The following KSR2 variants were observed in gnomAD, a reference collection of about 807,000 sequenced individuals.
KSR2 encodes the protein kinase suppressor of ras 2.
A neutral mutation model predicts 107.8 loss-of-function variants in KSR2; 25 were observed. That is an observed-to-expected ratio of 0.23 (90% CI 0.17 to 0.32). The LOEUF (loss-of-function observed/expected upper bound fraction) is 0.32. Among genes scored for constraint, KSR2 ranks in the 10% least tolerant of loss-of-function variants. KSR2 has a pLI of 1.00. For missense variants in KSR2, 887 were observed against 1,268.9 expected, an observed-to-expected ratio of 0.70 and a Z score of 4.57; for synonymous variants, 480 against 507.0, an observed-to-expected ratio of 0.95 and a Z score of 0.71.
chr12:117,661,768 C>T (rs986485383), intron 5 of KSR2, among the ~76,000 whole-genome samples: 1 of 152,034 alleles, frequency 6.6e-6, no homozygotes, highest in Non-Finnish European at 1.5e-5. Context: ...TGATGGTGGT[C>T]TGGAACACAC....
At chr12:117,824,856 CAAA>C (rs146100153) in intron 3 of KSR2, among the ~76,000 whole-genome samples, 8 of 74,970 alleles carry the variant, frequency 1.1e-4, no homozygotes, top group Non-Finnish European at 8.5e-5. Context: ...GACTCTATCT[CAAA>C]AAAAAAAAAA....
chr12:117,611,733 G>C (rs1881613645), intron 5 of KSR2, among the ~76,000 whole-genome samples: 1 of 152,146 alleles, frequency 6.6e-6, no homozygotes, highest in Non-Finnish European at 1.5e-5. Context: ...TGGAGAAGTA[G>C]AGATAATTCT....
Position 117,905,877 on chromosome 12 carries a change from G to GA in KSR2, c.181-45447dup, listed in dbSNP as rs199987767. Among the ~76,000 whole-genome samples, 443 of 123,626 alleles carry GA rather than the reference G, an allele frequency of 3.6e-3. 1 individual carries two copies. The highest frequency in any genetic ancestry group is 9.1e-3 in the South Asian group (36 of 3,946). 81.1% of individuals were successfully genotyped at this position (123,626 alleles called of 152,430 possible). A position where few individuals can be genotyped will look rare whatever the true frequency, so the allele number is the denominator to read the frequency against. ...TTTTCTGCTTTGATTCCATGATCTGGAAAAAAAAAAAAAAGTAGGACGATA... is the reference window on the plus strand; with the variant it reads ...TTTTCTGCTTTGATTCCATGATCTGGAAAAAAAAAAAAAAAGTAGGACGATA... On this transcript the variant is annotated intron_variant, in intron 1 of 19. Coordinates refer to ENST00000339824, the MANE Select transcript of KSR2 (RefSeq NM_173598.6).
Position 117,906,304 on chromosome 12 carries a change from G to A in KSR2, c.181-45873C>T, listed in dbSNP as rs560851678. Among the ~76,000 whole-genome samples the A allele has an allele frequency of 5.8e-5, 8 of 138,220 alleles. No homozygotes were observed. The South Asian group carries it at 1.8e-3, about 32-fold the overall frequency. The allele number at this position is 138,220 out of a possible 152,430, so 90.7% of individuals were successfully genotyped here. On this transcript the variant is annotated intron_variant, in intron 1 of 19. Transcript: ENST00000339824. ...GGAGGCAGAGGTTGTGGTGAGCCGA[G>A]ATCGGGCCATTGCACTCCAGCCTGG... is the stretch of plus-strand genomic sequence containing the variant.
At chr12:117,780,000 C>T (rs1781864312) in intron 3 of KSR2, among the ~76,000 whole-genome samples, 1 of 152,090 alleles carries the variant, frequency 6.6e-6, no homozygotes, top group South Asian at 2.1e-4. Flanking sequence ...CACAGTCTCT[C>T]CATCCACACA....
chr12:117,923,664 T>A (rs1895412704), intron 1 of KSR2, among the ~76,000 whole-genome samples: 1 of 151,766 alleles, frequency 6.6e-6, no homozygotes, highest in South Asian at 2.1e-4. Flanking sequence ...TCTTAAAATA[T>A]ATATGTGTGT....
chr12:117,600,599 G>C (rs2136289798), intron 5 of KSR2, among the ~76,000 whole-genome samples: 1 of 152,310 alleles, frequency 6.6e-6, no homozygotes, highest in African/African-American at 2.4e-5. Flanking sequence ...ACATTCACAG[G>C]CCTGATCTAT....
chr12:117,470,325 T>C (rs778796575), intron 18 of KSR2, among the ~76,000 whole-genome samples: 2 of 152,012 alleles, frequency 1.3e-5, no homozygotes, highest in Non-Finnish European at 2.9e-5. Context: ...CCACCCATCA[T>C]GCATGCATCT....
chr12:117,964,966 G>T (rs1350389280), intron 1 of KSR2, among the ~76,000 whole-genome samples: 1 of 152,194 alleles, frequency 6.6e-6, no homozygotes, highest in East Asian at 1.9e-4. Flanking sequence ...GCAGAGCCCT[G>T]ATTTTGCATG....
intron 3 of KSR2, among the ~76,000 whole-genome samples, chr12:117,827,851 C>A (rs1477553221): frequency 6.6e-6 from 1 of 152,196 alleles, no homozygotes; most frequent in African/African-American, 2.4e-5. Context: ...CAAGGTCACA[C>A]AGCTAGTAGG....
intron 4 of KSR2, among the ~76,000 whole-genome samples, chr12:117,742,756 C>A (rs551912019): frequency 6.6e-6 from 1 of 152,258 alleles, no homozygotes; most frequent in African/African-American, 2.4e-5. Flanking sequence ...ATTTTGAAGG[C>A]TTAACCAACT....
intron 10 of KSR2, 64 bp downstream of exon 10, chr12:117,539,654 AC>A: frequency 1.4e-6 from 2 of 1,388,666 alleles, no homozygotes; most frequent in South Asian, 1.4e-5. Context: ...GCATGAACCC[AC>A]CCCCTCCCTA....
At chr12:117,639,919 C>G (rs533059030) in intron 5 of KSR2, among the ~76,000 whole-genome samples, 2 of 152,216 alleles carry the variant, frequency 1.3e-5, no homozygotes, top group African/African-American at 4.8e-5. Context: ...GAATAGCACT[C>G]TTCAACTTAG....
At chr12:117,551,326 C>T (rs1480960493) in intron 9 of KSR2, among the ~76,000 whole-genome samples, 1 of 151,982 alleles carries the variant, frequency 6.6e-6, no homozygotes, top group Non-Finnish European at 1.5e-5. Context: ...CTTCCTTCTC[C>T]TCTTTCTCTG....
At chr12:117,739,793 A>C (rs1888101650) in intron 4 of KSR2, among the ~76,000 whole-genome samples, 1 of 152,096 alleles carries the variant, frequency 6.6e-6, no homozygotes, top group Non-Finnish European at 1.5e-5. Context: ...TGGGAGTTGA[A>C]ATAGACCTCC....
chr12:117,892,949 T>C (rs2137363838), intron 1 of KSR2, among the ~76,000 whole-genome samples: 1 of 152,152 alleles, frequency 6.6e-6, no homozygotes, highest in South Asian at 2.1e-4. Flanking sequence ...ACTCAACAAT[T>C]ATTTGCTGAG....
chr12:117,865,943 T>C (rs1893451937), intron 1 of KSR2, among the ~76,000 whole-genome samples: 1 of 152,124 alleles, frequency 6.6e-6, no homozygotes, highest in East Asian at 1.9e-4. Flanking sequence ...CAAATTTTTC[T>C]CCAGCCATCT....
intron 4 of KSR2, among the ~76,000 whole-genome samples, chr12:117,693,563 T>C (rs1306642619): frequency 6.6e-6 from 1 of 152,222 alleles, no homozygotes; most frequent in Non-Finnish European, 1.5e-5. Flanking sequence ...ACAATCGTAA[T>C]AGACAATAGT....
chr12:117,803,702 CA>C (rs990954244), intron 3 of KSR2, among the ~76,000 whole-genome samples: 3 of 151,756 alleles, frequency 2.0e-5, no homozygotes, highest in African/African-American at 7.3e-5. Context: ...AACTCCGTCT[CA>C]AAAAAAATTA....
Sources: gnomAD v4.1 joint callset for allele counts (sites outside exome capture counted in the v4.1 genomes callset) on GRCh38, gnomAD v4.1.1 for gene constraint, MANE v1.5 for transcripts, NCBI Gene and HGNC (gene_info 2026-07-23, HGNC 2026-07-21) for gene names.